PCDH15: variants seen among roughly 807,000 people sequenced by gnomAD.
The protein encoded by PCDH15 is protocadherin related 15.
In PCDH15, 129 loss-of-function variants were observed where a neutral mutation model predicts 178.5. The ratio of observed to expected loss-of-function variants is 0.72; its 90% CI spans 0.63 to 0.84. The LOEUF is 0.84. PCDH15 is among the 40% of genes least tolerant of loss of function. The pLI, the probability that PCDH15 is intolerant of heterozygous loss-of-function variation, is 0.00. For synonymous variants in PCDH15, 800 were observed against 732.0 expected (o/e 1.09, Z -1.50); for missense variants, 2,230 against 2,099.9 (o/e 1.06, Z -1.21).
chr10:55,364,108 C>G (rs1266089606), intron 2 of PCDH15, among the ~76,000 whole-genome samples: 1 of 152,002 alleles, frequency 6.6e-6, no homozygotes. Flanking sequence ...ATAAGGGGCT[C>G]TCCCCACTCC....
intron 2 of PCDH15, among the ~76,000 whole-genome samples, chr10:55,429,608 T>C (rs541104218): frequency 1.3e-5 from 2 of 152,328 alleles, no homozygotes; most frequent in East Asian, 1.9e-4. Flanking sequence ...TATGGCTAAA[T>C]AGGACACTCA....
At chr10:54,514,229 C>T (rs2081985616) in intron 3 of PCDH15, among the ~76,000 whole-genome samples, 1 of 151,948 alleles carries the variant, frequency 6.6e-6, no homozygotes, top group African/African-American at 2.4e-5. Context: ...AACTAATAGT[C>T]AATAATTGAA....
intron 2 of PCDH15, among the ~76,000 whole-genome samples, chr10:55,614,991 C>A (rs1843445786): frequency 6.6e-6 from 1 of 152,148 alleles, no homozygotes; most frequent in Non-Finnish European, 1.5e-5. Flanking sequence ...TTTGGAGCCA[C>A]ATTTTAATTT....
At chr10:54,351,107 TA>T (rs35267443) in intron 5 of PCDH15, among the ~76,000 whole-genome samples, 44,341 of 145,840 alleles carry the variant, frequency 0.3, 7,511 homozygotes, top group Non-Finnish European at 0.4. Flanking sequence ...TGTCTCAATT[TA>T]AAAAAAAAAA....
chr10:55,024,122 AATAT>A (rs373895204), intron 2 of PCDH15, among the ~76,000 whole-genome samples: 12 of 141,282 alleles, frequency 8.5e-5, no homozygotes, highest in South Asian at 4.4e-4. Context: ...TATAGGAAGG[AATAT>A]ATATATATAT....
chr10:54,480,484 T>C (rs1285352287), intron 3 of PCDH15, among the ~76,000 whole-genome samples: 1 of 151,938 alleles, frequency 6.6e-6, no homozygotes, highest in Non-Finnish European at 1.5e-5. Flanking sequence ...AATCAAAGAC[T>C]CTGAAAAAAA....
At chr10:53,823,728 A>ATCGAAGCTACCAACTTCTTATCTCT (rs141140599) in intron 32 of PCDH15, 2 of 462,908 alleles carry the variant, frequency 4.3e-6, no homozygotes, top group African/African-American at 4.0e-5. Flanking sequence ...GCAGAACACC[A>ATCGAAGCTACCAACTTCTTATCTCT]TCCTTGCCTG....
chr10:54,373,746 T>C (rs1589096683), intron 4 of PCDH15, among the ~76,000 whole-genome samples: 1 of 152,002 alleles, frequency 6.6e-6, no homozygotes, highest in Non-Finnish European at 1.5e-5. Context: ...AAAAATACTA[T>C]TAAATAATAT....
chr10:53,961,254 G>GT (rs1252096827), intron 22 of PCDH15, among the ~76,000 whole-genome samples: 2 of 151,774 alleles, frequency 1.3e-5, no homozygotes, highest in African/African-American at 4.8e-5. Flanking sequence ...AAAAAAGTGA[G>GT]TAAGGGAAAA....
chr10:55,453,777 C>T (rs954919841), intron 2 of PCDH15, among the ~76,000 whole-genome samples: 3 of 152,010 alleles, frequency 2.0e-5, no homozygotes, highest in East Asian at 1.9e-4. Context: ...ACCTCTATAC[C>T]TTAGGTAGTG....
chr10:55,349,310 C>T (rs945952024), intron 2 of PCDH15, among the ~76,000 whole-genome samples: 1 of 152,080 alleles, frequency 6.6e-6, no homozygotes, highest in Non-Finnish European at 1.5e-5. Flanking sequence ...AATTCCAGAA[C>T]CAATGTTCAT....
chr10:54,755,537 T>A (rs1946952433), intron 1 of PCDH15, among the ~76,000 whole-genome samples: 1 of 152,092 alleles, frequency 6.6e-6, no homozygotes. Flanking sequence ...TTATTTATAA[T>A]CCTAGACACG....
At position 54,124,165 on chromosome 10, in the gene PCDH15, G is replaced by GA. The variant is rs967222536; in HGVS notation, c.1917+8709dup. ...TACCCTTTGAATCTAAATAAAAACG[G>GA]AAAAATAAAGAATGGCAAAATTAAA... On this transcript the variant is annotated intron_variant, in intron 15 of 37. Coordinates refer to ENST00000644397, the MANE Select transcript of PCDH15 (RefSeq NM_001384140.1). Among the ~76,000 whole-genome samples, 3 of 150,608 alleles carry GA rather than the reference G, an allele frequency of 2.0e-5. No homozygotes were observed. In the Admixed American group the frequency reaches 2.0e-4, roughly 10 times the overall value.
intron 3 of PCDH15, among the ~76,000 whole-genome samples, chr10:54,851,462 A>T (rs1201532255): frequency 6.6e-6 from 1 of 152,198 alleles, no homozygotes; most frequent in Non-Finnish European, 1.5e-5. Flanking sequence ...GCATAAAAAT[A>T]GAACTATGGA....
intron 2 of PCDH15, among the ~76,000 whole-genome samples, chr10:55,380,989 T>A (rs1363392905): frequency 1.3e-5 from 2 of 152,166 alleles, no homozygotes; most frequent in South Asian, 2.1e-4. Flanking sequence ...GTAGTAAATG[T>A]TCTTACCCAA....
intron 26 of PCDH15, among the ~76,000 whole-genome samples, chr10:53,890,711 T>C (rs1368808681): frequency 6.6e-6 from 1 of 152,148 alleles, no homozygotes; most frequent in East Asian, 1.9e-4. Context: ...TAGATGTTAT[T>C]TTTGTTCACT....
chr10:54,958,767 A>C (rs1838561519), intron 2 of PCDH15, among the ~76,000 whole-genome samples: 1 of 149,238 alleles, frequency 6.7e-6, no homozygotes, highest in South Asian at 2.1e-4. Context: ...AAGGATAGTC[A>C]AAAAAAAATA....
rs150617591 is a variant in PCDH15, at chr10:54,856,641, C to A, written c.-29+40809G>T. Among the ~76,000 whole-genome samples, 330 of 152,196 alleles carry A rather than the reference C, an allele frequency of 2.2e-3. 1 individual carries two copies. Among genetic ancestry groups the A allele is most frequent in the Middle Eastern group, 0.02 (6 of 294 alleles). On this transcript the variant is annotated intron_variant, in intron 3 of 5. Coordinates refer to the PCDH15 transcript ENST00000458638. ...TATGTATTGACTTTTGATCACTCAC[C>A]CTGGCTTGTTAATTAATTTTATCCT... is the stretch of plus-strand genomic sequence containing the variant.
chr10:54,027,296 G>C (rs201760301), intron 18 of PCDH15, among the ~76,000 whole-genome samples: 13,768 of 141,518 alleles, frequency 0.097, 1,669 homozygotes, highest in African/African-American at 0.3. Context: ...AAAGAGGATA[G>C]AAACAAATGG....
Sources: allele counts gnomAD v4.1 joint callset (sites outside exome capture counted in the v4.1 genomes callset), GRCh38; gene constraint gnomAD v4.1.1; transcripts MANE v1.5; gene names NCBI Gene and HGNC (gene_info 2026-07-23, HGNC 2026-07-21).